Variants in GPC6 observed in about 807,000 individuals in gnomAD.
GPC6 encodes glypican-6.
In GPC6, 14 loss-of-function variants were observed where a neutral mutation model predicts 55.2. The observed-to-expected ratio is 0.25, with a 90% CI of 0.17 to 0.40. The LOEUF is 0.40. Ranked by LOEUF, GPC6 falls within the 10% of genes least tolerant of loss-of-function variation. GPC6 has a pLI of 1.00. For missense variants in GPC6, 641 were observed against 708.5 expected, an observed-to-expected ratio of 0.90 and a Z score of 1.08; for synonymous variants, 278 against 259.6, an observed-to-expected ratio of 1.07 and a Z score of -0.68.
intron 3 of GPC6, among the ~76,000 whole-genome samples, chr13:94,013,660 A>G (rs759139114): frequency 6.6e-6 from 1 of 152,152 alleles, no homozygotes; most frequent in Non-Finnish European, 1.5e-5. Flanking sequence ...TTATGTTTTA[A>G]GGAATGAAAT....
intron 1 of GPC6, among the ~76,000 whole-genome samples, chr13:93,536,830 T>C (rs1882082164): frequency 6.6e-6 from 1 of 152,212 alleles, no homozygotes; most frequent in East Asian, 1.9e-4. Flanking sequence ...TGAAGTACTG[T>C]AAATGGTAAC....
intron 1 of GPC6, among the ~76,000 whole-genome samples, chr13:93,475,159 T>TACACACACAC (rs35324469): frequency 6.7e-6 from 1 of 149,526 alleles, no homozygotes; most frequent in Non-Finnish European, 1.5e-5. Context: ...AATAAATAAA[T>TACACACACAC]ACACACACAC....
intron 2 of GPC6, among the ~76,000 whole-genome samples, chr13:93,814,527 AAT>A (rs1886789875): frequency 1.3e-5 from 2 of 152,176 alleles, no homozygotes; most frequent in Non-Finnish European, 2.9e-5. Context: ...CATGAAATAA[AAT>A]AGTGTTATTC....
intron 2 of GPC6, among the ~76,000 whole-genome samples, chr13:93,741,289 G>A (rs1233908580): frequency 6.6e-6 from 1 of 151,618 alleles, no homozygotes; most frequent in Admixed American, 6.6e-5. Flanking sequence ...TAATATTTTT[G>A]TATTTTTAGT....
chr13:93,547,760 A>G (rs181397020), intron 2 of GPC6, among the ~76,000 whole-genome samples: 1 of 152,228 alleles, frequency 6.6e-6, no homozygotes, highest in Admixed American at 6.5e-5. Flanking sequence ...GATTCTAATA[A>G]TCTCAACTCC....
At chr13:94,110,338 T>C (rs1416056385) in intron 4 of GPC6, among the ~76,000 whole-genome samples, 1 of 151,994 alleles carries the variant, frequency 6.6e-6, no homozygotes, top group Non-Finnish European at 1.5e-5. Context: ...GAGTACTCAG[T>C]AGAGAACACA....
intron 1 of GPC6, among the ~76,000 whole-genome samples, chr13:93,434,161 T>C (rs55950585): frequency 0.035 from 5,354 of 152,268 alleles, 312 homozygotes; most frequent in African/African-American, 0.12. Context: ...GTGATGGCTT[T>C]GCCTCTGCCC....
intron 2 of GPC6, among the ~76,000 whole-genome samples, chr13:93,599,477 C>T (rs2076446042): frequency 6.6e-6 from 1 of 152,084 alleles, no homozygotes. Flanking sequence ...CTACATTCTG[C>T]TTACTCTTTA....
At chr13:94,187,426 C>T (rs1889238143) in intron 4 of GPC6, 1 of 152,072 alleles carries the variant, frequency 6.6e-6, no homozygotes, top group Non-Finnish European at 1.5e-5. Context: ...CCACGTAACC[C>T]AATATTTTTT....
At position 94,403,319 on chromosome 13, in the gene GPC6, ACC is replaced by A; in HGVS notation, c.*103_*104del. 1 of 854,734 alleles carries A rather than the reference ACC, an allele frequency of 1.2e-6. No homozygotes were observed. Among genetic ancestry groups the A allele is most frequent in the South Asian group, 1.4e-5 (1 of 70,596 alleles). 52.9% of individuals were successfully genotyped at this position (854,734 alleles called of 1,614,324 possible). On this transcript the variant is annotated 3_prime_UTR_variant, in exon 9 of 9. Transcript: ENST00000377047. The stretch of plus-strand genomic sequence containing the variant: ...ACAATGGACCATGCCACAAAAACTT[ACC>A]GTTTTCTATGAGAAGAGAGCAGTAA...
chr13:93,433,839 T>A (rs1364854329), intron 1 of GPC6, among the ~76,000 whole-genome samples: 2 of 152,110 alleles, frequency 1.3e-5, no homozygotes, highest in African/African-American at 2.4e-5. Context: ...GAATTTTTAC[T>A]GAACAATATG....
rs546958199 is a variant in GPC6, at chr13:93,432,085, C to T, written c.161-113178C>T. Among the ~76,000 whole-genome samples the T allele has an allele frequency of 1.2e-4, 18 of 152,232 alleles. 1 individual carries two copies. Among genetic ancestry groups the T allele is most frequent in the African/African-American group, 4.1e-4 (17 of 41,562 alleles). ...AATTGCAGCATCCTTTGGTGGGATA[C>T]ATAATCTAACTGATTCAGAATGGGA... On this transcript the variant is annotated intron_variant, in intron 1 of 8. Transcript: ENST00000377047.
At chr13:93,270,867 A>G (rs562518727) in intron 1 of GPC6, among the ~76,000 whole-genome samples, 1 of 152,168 alleles carries the variant, frequency 6.6e-6, no homozygotes, top group Non-Finnish European at 1.5e-5. Flanking sequence ...AAGACAGATA[A>G]ATGGAGATTA....
At chr13:93,375,640 G>A (rs1323971) in intron 1 of GPC6, among the ~76,000 whole-genome samples, 52,750 of 152,090 alleles carry the variant, frequency 0.35, 9,762 homozygotes, top group East Asian at 0.71. Flanking sequence ...AGGGCCCTTC[G>A]CCCAGTGGCC....
intron 3 of GPC6, among the ~76,000 whole-genome samples, chr13:93,950,502 G>A (rs1044938252): frequency 2.0e-5 from 3 of 152,176 alleles, no homozygotes; most frequent in East Asian, 1.9e-4. Flanking sequence ...ATATTCAGAC[G>A]TATAGACCTC....
chr13:94,039,753 T>A (rs1001836996), intron 4 of GPC6, among the ~76,000 whole-genome samples: 1 of 151,856 alleles, frequency 6.6e-6, no homozygotes, highest in African/African-American at 2.4e-5. Context: ...TGACAGATTG[T>A]ACCTGGAATT....
intron 4 of GPC6, among the ~76,000 whole-genome samples, chr13:94,165,365 C>G (rs1888330265): frequency 6.6e-6 from 1 of 151,180 alleles, no homozygotes; most frequent in African/African-American, 2.4e-5. Context: ...GAATTGGAGA[C>G]TATTATTCTA....
chr13:94,272,409 C>T (rs1280363884), intron 4 of GPC6, among the ~76,000 whole-genome samples: 9 of 148,322 alleles, frequency 6.1e-5, no homozygotes, highest in African/African-American at 1.2e-4. Flanking sequence ...TTCAATGACA[C>T]TTTGAGATAT....
At chr13:93,919,418 A>C (rs2140343522) in intron 3 of GPC6, among the ~76,000 whole-genome samples, 1 of 152,328 alleles carries the variant, frequency 6.6e-6, no homozygotes, top group African/African-American at 2.4e-5. Context: ...TTCATTCAGT[A>C]AATTAGGACA....
Sources: allele counts gnomAD v4.1 joint callset (sites outside exome capture counted in the v4.1 genomes callset), GRCh38; gene constraint gnomAD v4.1.1; transcripts MANE v1.5; gene names NCBI Gene and HGNC (gene_info 2026-07-23, HGNC 2026-07-21).